The following MTAP variants were observed in gnomAD, a reference collection of about 807,000 sequenced individuals.
MTAP encodes S-methyl-5'-thioadenosine phosphorylase.
MTAP carries 33 observed loss-of-function variants against 33.6 expected under a neutral mutation model. The observed-to-expected ratio is 0.98, with a 90% CI of 0.74 to 1.31. MTAP has a LOEUF of 1.31. Ranked by LOEUF, MTAP falls within the 40% of genes most tolerant of loss-of-function variation. The pLI, the probability that MTAP is intolerant of heterozygous loss-of-function variation, is 0.00. For synonymous variants in MTAP, 148 were observed against 125.7 expected, an observed-to-expected ratio of 1.18 and a Z score of -1.19; for missense variants, 367 against 360.0, an observed-to-expected ratio of 1.02 and a Z score of -0.16.
chr9:21,875,994 T>C (rs1271115700), intron 1 of MTAP, among the ~76,000 whole-genome samples: 1 of 152,134 alleles, frequency 6.6e-6, no homozygotes, highest in African/African-American at 2.4e-5. Context: ...CTCCCACCAG[T>C]ATCAGTGTTC....
chr9:21,904,386 G>A (rs973672826), intron 1 of MTAP, among the ~76,000 whole-genome samples: 12 of 152,202 alleles, frequency 7.9e-5, no homozygotes, highest in South Asian at 2.1e-4. Flanking sequence ...CCCTAGCCAG[G>A]GACCACGACC....
chr9:21,852,880 G>T (rs1041078341), intron 5 of MTAP, among the ~76,000 whole-genome samples: 1 of 152,140 alleles, frequency 6.6e-6, no homozygotes, highest in Non-Finnish European at 1.5e-5. Context: ...TTAGGCTGGT[G>T]ATCTAATATT....
At chr9:21,808,680 T>A (rs1471667709) in intron 1 of MTAP, 1 of 152,046 alleles carries the variant, frequency 6.6e-6, no homozygotes, top group Non-Finnish European at 1.5e-5. Context: ...CTTACAGGGC[T>A]AAAATTAACA....
intron 6 of MTAP, among the ~76,000 whole-genome samples, chr9:21,855,087 A>G (rs1004627638): frequency 7.9e-5 from 12 of 152,222 alleles, no homozygotes; most frequent in Admixed American, 5.9e-4. Context: ...AAAATAGTAC[A>G]TTGTAGGCAG....
At chr9:21,896,141 C>G (rs1372680464) in intron 1 of MTAP, among the ~76,000 whole-genome samples, 1 of 152,166 alleles carries the variant, frequency 6.6e-6, no homozygotes, top group Non-Finnish European at 1.5e-5. Flanking sequence ...GGAAACTGAA[C>G]AACCTGCTCC....
chr9:21,828,779 G>C (rs929628611), intron 4 of MTAP, among the ~76,000 whole-genome samples: 1 of 152,286 alleles, frequency 6.6e-6, no homozygotes. Flanking sequence ...TATTAGGTTA[G>C]ACAAGATTTT....
chr9:21,896,661 C>G (rs1040959349), intron 1 of MTAP, among the ~76,000 whole-genome samples: 1 of 152,152 alleles, frequency 6.6e-6, no homozygotes, highest in African/African-American at 2.4e-5. Context: ...TGGATACATA[C>G]ACCCTCCCAA....
At chr9:21,924,672 G>A (rs78845734) in intron 1 of MTAP, among the ~76,000 whole-genome samples, 15,694 of 152,200 alleles carry the variant, frequency 0.1, 2,479 homozygotes, top group African/African-American at 0.34. Context: ...GTGGAGCTTA[G>A]CTCAAACCCT....
chr9:21,895,174 C>T (rs946297939), intron 1 of MTAP, among the ~76,000 whole-genome samples: 2 of 152,206 alleles, frequency 1.3e-5, no homozygotes, highest in South Asian at 2.1e-4. Flanking sequence ...TAGAAAAAAC[C>T]ATTCTAAAAT....
At position 21,885,653 on chromosome 9, in the gene MTAP, T is replaced by G. The variant is rs1818096037; in HGVS notation, c.147+30783T>G. Among the ~76,000 whole-genome samples, 4 of 152,070 alleles carry G rather than the reference T, an allele frequency of 2.6e-5. No homozygotes were observed. In the South Asian group the frequency reaches 8.3e-4, roughly 31 times the overall value. On this transcript the variant is annotated intron_variant, in intron 1 of 1. Coordinates refer to the MTAP transcript ENST00000577563. Reference sequence around the variant, plus strand: ...TGCATCCTCGTGGCTTAGCTCTAAGTGAGAGCATATGATGTTTGGTTTTCT... The same window carrying G: ...TGCATCCTCGTGGCTTAGCTCTAAGGGAGAGCATATGATGTTTGGTTTTCT...
chr9:21,812,707 A>G (rs908145700), intron 1 of MTAP, among the ~76,000 whole-genome samples: 1 of 152,130 alleles, frequency 6.6e-6, no homozygotes, highest in African/African-American at 2.4e-5. Flanking sequence ...TTGTTCTGTG[A>G]CCTTCGTCAT....
At chr9:21,805,925 T>C (rs1179325674) in intron 1 of MTAP, among the ~76,000 whole-genome samples, 2 of 151,896 alleles carry the variant, frequency 1.3e-5, no homozygotes, top group Admixed American at 1.3e-4. Flanking sequence ...AGGAGAGAGA[T>C]GGGGGTAGGA....
chr9:21,932,495 T>C (rs1818978234), downstream of MTAP: 1 of 152,214 alleles, frequency 6.6e-6, no homozygotes, highest in African/African-American at 2.4e-5. Context: ...CCTTTTGAGA[T>C]GTCTTTTCAG....
chr9:21,915,053 TTC>T (rs1563869492), intron 1 of MTAP, among the ~76,000 whole-genome samples: 1,231 of 110,634 alleles, frequency 0.011, 19 homozygotes, highest in Non-Finnish European at 0.015. Flanking sequence ...CCTTCCTTCC[TTC>T]CTTTCTTTCT....
intron 1 of MTAP, among the ~76,000 whole-genome samples, chr9:21,881,960 A>G (rs1313482296): frequency 6.6e-6 from 1 of 152,048 alleles, no homozygotes; most frequent in Non-Finnish European, 1.5e-5. Context: ...GAGCCAAGAG[A>G]TGGATGTTCA....
Position 21,876,087 on chromosome 9 carries a change from C to T in MTAP, c.147+21217C>T, listed in dbSNP as rs143447579. On this transcript the variant is annotated intron_variant, in intron 1 of 1. Transcript: ENST00000577563. ...TTCTGACTGCTGTGAAATGGTGTCTCATTGTGGTTTTGATTTGCATTTCTC... is the reference window on the plus strand; with the variant it reads ...TTCTGACTGCTGTGAAATGGTGTCTTATTGTGGTTTTGATTTGCATTTCTC... 5.6e-3 allele frequency among the ~76,000 whole-genome samples: 857 copies of T among 152,212 alleles called. 18 individuals are homozygous for T. Among genetic ancestry groups the T allele is most frequent in the East Asian group, 0.055 (285 of 5,174 alleles).
chr9:21,844,401 A>T (rs1563843652), intron 5 of MTAP, among the ~76,000 whole-genome samples: 1 of 152,152 alleles, frequency 6.6e-6, no homozygotes. Flanking sequence ...CCCCCTAATT[A>T]CAAAATCAGA....
chr9:21,804,139 A>G (rs1373742536), intron 1 of MTAP, among the ~76,000 whole-genome samples: 1 of 152,198 alleles, frequency 6.6e-6, no homozygotes, highest in East Asian at 1.9e-4. Flanking sequence ...ATTTGCTAGG[A>G]GGGCTAGAAT....
chr9:21,915,051 C>CTTTCTTTCTTT (rs1563869484), intron 1 of MTAP, among the ~76,000 whole-genome samples: 14 of 36,538 alleles, frequency 3.8e-4, no homozygotes, highest in Admixed American at 3.8e-3. Context: ...TTCCTTCCTT[C>CTTTCTTTCTTT]CTTCCTTTCT....
Sources: allele counts gnomAD v4.1 joint callset (sites outside exome capture counted in the v4.1 genomes callset), GRCh38; gene constraint gnomAD v4.1.1; transcripts MANE v1.5; gene names NCBI Gene and HGNC (gene_info 2026-07-23, HGNC 2026-07-21).